Variants in PDE4D observed in about 807,000 individuals in gnomAD.
The protein encoded by PDE4D is 3',5'-cyclic-AMP phosphodiesterase 4D.
In PDE4D, 24 loss-of-function variants were observed where a neutral mutation model predicts 87.4. The ratio of observed to expected loss-of-function variants is 0.27; its 90% CI spans 0.20 to 0.39. The LOEUF is 0.39. Among genes scored for constraint, PDE4D ranks in the 10% least tolerant of loss-of-function variants. PDE4D has a pLI of 1.00. For synonymous variants in PDE4D, 384 were observed against 383.2 expected, an observed-to-expected ratio of 1.00 and a Z score of -0.02; for missense variants, 714 against 1,041.0, an observed-to-expected ratio of 0.69 and a Z score of 4.32.
At chr5:59,005,907 T>C (rs2153358536) in intron 6 of PDE4D, among the ~76,000 whole-genome samples, 2 of 152,304 alleles carry the variant, frequency 1.3e-5, no homozygotes, top group South Asian at 4.1e-4. Context: ...AGTGGATTTG[T>C]TTATCCTCAA....
At chr5:60,086,911 A>C (rs1271853048) in intron 2 of PDE4D, among the ~76,000 whole-genome samples, 1 of 152,224 alleles carries the variant, frequency 6.6e-6, no homozygotes, top group Non-Finnish European at 1.5e-5. Context: ...ATGATGCCAT[A>C]GTGCTGCAAG....
At chr5:60,468,474 A>T (rs149783643) in intron 1 of PDE4D, among the ~76,000 whole-genome samples, 1 of 151,872 alleles carries the variant, frequency 6.6e-6, no homozygotes, top group East Asian at 2.0e-4. Context: ...CAGATTCTCA[A>T]ATATACTTCT....
intron 2 of PDE4D, among the ~76,000 whole-genome samples, chr5:60,167,276 T>TC (rs1783004036): frequency 7.0e-6 from 1 of 142,060 alleles, no homozygotes; most frequent in African/African-American, 2.6e-5. Context: ...CTTTTTTTTT[T>TC]TTTTTTTTTT....
intron 1 of PDE4D, among the ~76,000 whole-genome samples, chr5:60,494,863 G>C (rs1279634980): frequency 6.6e-6 from 1 of 152,158 alleles, no homozygotes; most frequent in Non-Finnish European, 1.5e-5. Context: ...GGGCCCTAGG[G>C]AATCACACCT....
At chr5:59,573,588 T>G (rs1259313700) in intron 1 of PDE4D, among the ~76,000 whole-genome samples, 1 of 152,150 alleles carries the variant, frequency 6.6e-6, no homozygotes, top group East Asian at 1.9e-4. Context: ...CATTGGCTCT[T>G]TAGCACTAAA....
intron 1 of PDE4D, among the ~76,000 whole-genome samples, chr5:60,326,784 C>A (rs562058742): frequency 1.3e-5 from 2 of 152,080 alleles, no homozygotes; most frequent in Non-Finnish European, 2.9e-5. Context: ...ATCAGTTATA[C>A]CTTACTTCTG....
intron 1 of PDE4D, among the ~76,000 whole-genome samples, chr5:59,691,971 C>T (rs1466475371): frequency 1.3e-5 from 2 of 151,892 alleles, no homozygotes; most frequent in Non-Finnish European, 2.9e-5. Flanking sequence ...AACAAAACAA[C>T]CTGGGCAAAA....
intron 5 of PDE4D, among the ~76,000 whole-genome samples, chr5:59,146,972 C>A (rs997758727): frequency 1.3e-5 from 2 of 152,150 alleles, no homozygotes; most frequent in African/African-American, 2.4e-5. Context: ...GGCAAGCGAG[C>A]ATTACCACCT....
intron 1 of PDE4D, among the ~76,000 whole-genome samples, chr5:59,848,503 CAA>C (rs1237847256): frequency 1.3e-5 from 2 of 151,874 alleles, no homozygotes. Flanking sequence ...ATGATGTTCA[CAA>C]AAAAATTTTA....
chr5:59,380,925 A>C (rs1272719383), intron 1 of PDE4D, among the ~76,000 whole-genome samples: 34 of 152,146 alleles, frequency 2.2e-4, no homozygotes, highest in Non-Finnish European at 4.4e-5. Flanking sequence ...CTCATTCATT[A>C]CAGATTGTCT....
In PDE4D at chr5:59,893,415, G is replaced by T. The variant is rs758440775; in HGVS notation, c.208C>A (p.Gln70Lys). Residue 70 changes from glutamine to lysine, a missense_variant, in exon 1 of 15, where the codon CAG becomes AAG. Physicochemically the swap from Gln to Lys is moderately conservative, Grantham distance 53. Around this residue, in one of 7 missense-constraint regions of PDE4D, gnomAD observed 268 missense variants for 272.9 expected, o/e 0.98. Transcript: ENST00000340635. ...PPPPSPQPQP[Q>K]CPLQPPPPPP... ...GGCGGCGGCGGCTGTAGCGGACACT[G>T]GGGCTGGGGCTGGGGCGAGGGTGGC... is the stretch of plus-strand genomic sequence containing the variant. 1 of 1,442,926 alleles carries T rather than the reference G, an allele frequency of 6.9e-7. No homozygotes were observed. Among genetic ancestry groups the T allele is most frequent in the South Asian group, 1.3e-5 (1 of 74,344 alleles). The allele number at this position is 1,442,926 out of a possible 1,614,324, so 89.4% of individuals were successfully genotyped here. A position where few individuals can be genotyped will look rare whatever the true frequency, so the allele number is the denominator to read the frequency against.
chr5:59,473,584 A>G (rs1237669143), intron 1 of PDE4D, among the ~76,000 whole-genome samples: 1 of 152,086 alleles, frequency 6.6e-6, no homozygotes, highest in Non-Finnish European at 1.5e-5. Context: ...CCATCTCAAA[A>G]TGCCTTATAG....
At chr5:60,335,388 T>C (rs76019405) in intron 1 of PDE4D, among the ~76,000 whole-genome samples, 136 of 152,298 alleles carry the variant, frequency 8.9e-4, no homozygotes, top group African/African-American at 3.0e-3. Context: ...TTATGGGAGT[T>C]AGGATTCTAT....
chr5:60,029,952 G>A (rs1170876717), intron 2 of PDE4D, among the ~76,000 whole-genome samples: 2 of 152,070 alleles, frequency 1.3e-5, no homozygotes, highest in Admixed American at 1.3e-4. Flanking sequence ...TTCCAATTCT[G>A]GCTACCTAAA....
At chr5:59,501,194 T>A (rs138113387) in intron 1 of PDE4D, among the ~76,000 whole-genome samples, 2 of 152,216 alleles carry the variant, frequency 1.3e-5, no homozygotes, top group African/African-American at 4.8e-5. Context: ...CAATTTATCA[T>A]GTAGTCATTT....
At chr5:59,037,063 G>A (rs1758652571) in intron 6 of PDE4D, among the ~76,000 whole-genome samples, 1 of 151,898 alleles carries the variant, frequency 6.6e-6, no homozygotes, top group Non-Finnish European at 1.5e-5. Flanking sequence ...ATCATTTTAG[G>A]CAATTATTAT....
chr5:59,872,300 C>CACACACACACACA (rs10693446), intron 1 of PDE4D, among the ~76,000 whole-genome samples: 95 of 146,974 alleles, frequency 6.5e-4, no homozygotes, highest in African/African-American at 1.4e-3. Flanking sequence ...CACACACACA[C>CACACACACACACA]AAGAGCACAC....
At chr5:59,183,990 A>G (rs1742308160) in intron 4 of PDE4D, among the ~76,000 whole-genome samples, 1 of 152,208 alleles carries the variant, frequency 6.6e-6, no homozygotes, top group African/African-American at 2.4e-5. Flanking sequence ...AGTACAAGGT[A>G]CAATCAGACA....
At chr5:60,188,586 A>C (rs1298235977) in intron 1 of PDE4D, among the ~76,000 whole-genome samples, 1 of 152,136 alleles carries the variant, frequency 6.6e-6, no homozygotes, top group East Asian at 1.9e-4. Context: ...AAGGTAGGGC[A>C]GGGAGGAGAG....
Sources: allele counts gnomAD v4.1 joint callset (sites outside exome capture counted in the v4.1 genomes callset), GRCh38; gene constraint gnomAD v4.1.1; regional missense constraint gnomAD v4.1.1; transcripts MANE v1.5; gene names NCBI Gene and HGNC (gene_info 2026-07-23, HGNC 2026-07-21).